The following RYR2 variants were observed in gnomAD, a reference collection of about 807,000 sequenced individuals.
RYR2 encodes ryanodine receptor 2.
Under a neutral mutation model 601.1 loss-of-function variants are expected in RYR2, and 227 were observed. That is an observed-to-expected ratio of 0.38 (90% confidence interval 0.34 to 0.42). The LOEUF (loss-of-function observed/expected upper bound fraction) is 0.42, where lower values mean the gene tolerates loss of function less well. RYR2 is among the 10% of genes least tolerant of loss of function. The pLI is 1.00. For missense variants in RYR2, 4,646 were observed against 6,156.5 expected, an observed-to-expected ratio of 0.75 and a Z score of 8.21; for synonymous variants, 2,223 against 2,175.1, an observed-to-expected ratio of 1.02 and a Z score of -0.61.
Position 237,589,930 on chromosome 1 carries a change from G to A in RYR2, c.3736G>A (p.Asp1246Asn). ...YEPFAVNTNR[D>N]ITMWLSKRLP... Reference sequence around the variant, plus strand: ...ACCATTTGCCGTTAATACAAACAGGGATATTACCATGTGGCTGAGCAAGAG... The same window carrying A: ...ACCATTTGCCGTTAATACAAACAGGAATATTACCATGTGGCTGAGCAAGAG... The change falls in exon 30 of 105, where the codon GAT becomes AAT. Residue 1246 changes from aspartate (D) to asparagine (N), a missense_variant. Physicochemically the swap from Asp to Asn is conservative, Grantham distance 23 (BLOSUM62 1). Around this residue, in one of 17 missense-constraint regions of RYR2, gnomAD observed 1,807 missense variants for 2,088.1 expected, o/e 0.87. Coordinates refer to ENST00000366574, the MANE Select transcript of RYR2 (RefSeq NM_001035.3). The A allele has an allele frequency of 6.2e-7, 1 of 1,613,904 alleles. No homozygotes were observed. Among genetic ancestry groups the A allele is most frequent in the Non-Finnish European group, 8.5e-7 (1 of 1,179,862 alleles).
intron 1 of RYR2, among the ~76,000 whole-genome samples, chr1:237,170,459 G>A (rs983475625): frequency 2.0e-5 from 3 of 152,194 alleles, no homozygotes; most frequent in African/African-American, 7.2e-5. Context: ...ACCCTCCTCC[G>A]TCTCTGCCAG....
chr1:237,433,040 G>C (rs1323660695), intron 12 of RYR2, among the ~76,000 whole-genome samples: 2 of 151,218 alleles, frequency 1.3e-5, no homozygotes, highest in South Asian at 4.2e-4. Flanking sequence ...TGTGTGGGGG[G>C]GGGTATCTTA....
intron 63 of RYR2, among the ~76,000 whole-genome samples, chr1:237,695,092 T>A (rs2149003024): frequency 6.6e-6 from 1 of 152,312 alleles, no homozygotes; most frequent in Middle Eastern, 3.4e-3. Flanking sequence ...ATATGATATG[T>A]CAAATTTAAC....
At chr1:237,135,519 G>A (rs1056197368) in intron 1 of RYR2, among the ~76,000 whole-genome samples, 14 of 145,064 alleles carry the variant, frequency 9.7e-5, no homozygotes, top group South Asian at 2.3e-4. Flanking sequence ...GCAGGCACCC[G>A]CCACCACACC....
At chr1:237,155,657 T>C (rs1558333108) in intron 1 of RYR2, among the ~76,000 whole-genome samples, 1 of 152,186 alleles carries the variant, frequency 6.6e-6, no homozygotes, top group African/African-American at 2.4e-5. Context: ...TTCTAAATGA[T>C]TTAGTAGTTT....
At chr1:237,478,167 G>A (rs1230545343) in intron 17 of RYR2, among the ~76,000 whole-genome samples, 1 of 152,196 alleles carries the variant, frequency 6.6e-6, no homozygotes, top group African/African-American at 2.4e-5. Flanking sequence ...AGAAATGGCA[G>A]CTCATTTTAA....
At chr1:237,495,542 G>T (rs551091781) in intron 19 of RYR2, among the ~76,000 whole-genome samples, 1 of 152,276 alleles carries the variant, frequency 6.6e-6, no homozygotes, top group African/African-American at 2.4e-5. Flanking sequence ...ATTGATTTAA[G>T]ATTTCCTTCA....
At chr1:237,692,571 C>T (rs996608914) in intron 63 of RYR2, among the ~76,000 whole-genome samples, 2 of 152,178 alleles carry the variant, frequency 1.3e-5, no homozygotes, top group Admixed American at 6.5e-5. Context: ...CTCTCCTCCT[C>T]CCTATGCTTC....
rs565260528 is a variant in RYR2, at chr1:237,195,759, A to C, written c.49-74738A>C. ...TTGTCCCCTTTTGACCTGTTTCCTC[A>C]TCAGTAAAAGGAGGTAATACTGCCC... On this transcript the variant is annotated intron_variant, in intron 1 of 104. Coordinates refer to ENST00000366574, the MANE Select transcript of RYR2 (RefSeq NM_001035.3). Among the ~76,000 whole-genome samples the C allele has an allele frequency of 7.2e-5, 11 of 152,268 alleles. No individual in the cohort carries two copies. In the South Asian group the frequency reaches 1.5e-3, roughly 20 times the overall value.
chr1:237,314,221 C>T (rs368210685), intron 2 of RYR2, among the ~76,000 whole-genome samples: 3 of 151,848 alleles, frequency 2.0e-5, no homozygotes, highest in Admixed American at 6.6e-5. Flanking sequence ...CCCGCAACCA[C>T]GCCCAGCTAA....
intron 78 of RYR2, among the ~76,000 whole-genome samples, chr1:237,733,286 T>A (rs1466012817): frequency 6.6e-6 from 1 of 152,216 alleles, no homozygotes; most frequent in African/African-American, 2.4e-5. Flanking sequence ...ATCATTATTA[T>A]GGCCATCTTG....
intron 100 of RYR2, among the ~76,000 whole-genome samples, chr1:237,810,272 T>G (rs1400772004): frequency 6.6e-6 from 1 of 151,964 alleles, no homozygotes; most frequent in Non-Finnish European, 1.5e-5. Flanking sequence ...CAAGTCCTTA[T>G]CACATCAATA....
chr1:237,126,617 G>T (rs909085554), intron 1 of RYR2, among the ~76,000 whole-genome samples: 1 of 152,224 alleles, frequency 6.6e-6, no homozygotes, highest in Non-Finnish European at 1.5e-5. Flanking sequence ...TCTGAAGGTT[G>T]TCTATGCCTA....
At chr1:237,446,430 G>T (rs533560597) in intron 14 of RYR2, among the ~76,000 whole-genome samples, 1 of 152,108 alleles carries the variant, frequency 6.6e-6, no homozygotes, top group East Asian at 1.9e-4. Flanking sequence ...GTTGTTCTGA[G>T]CTTTTGTTAT....
intron 62 of RYR2, among the ~76,000 whole-genome samples, chr1:237,682,791 A>G (rs1050323577): frequency 6.6e-6 from 1 of 152,226 alleles, no homozygotes; most frequent in Non-Finnish European, 1.5e-5. Context: ...GTATTTCCCA[A>G]AAAAAGGAGC....
chr1:237,169,710 C>CA (rs899219311), intron 1 of RYR2, among the ~76,000 whole-genome samples: 3 of 152,022 alleles, frequency 2.0e-5, no homozygotes, highest in African/African-American at 7.2e-5. Context: ...ATACTTTAAA[C>CA]AAAAAATGAT....
chr1:237,214,079 C>T (rs978100307), intron 1 of RYR2, among the ~76,000 whole-genome samples: 31 of 151,930 alleles, frequency 2.0e-4, no homozygotes, highest in African/African-American at 6.8e-4. Flanking sequence ...CACCATCACT[C>T]CTAGATAATT....
chr1:237,748,931 A>G (rs1280768396), intron 80 of RYR2, among the ~76,000 whole-genome samples: 1 of 152,192 alleles, frequency 6.6e-6, no homozygotes, highest in Non-Finnish European at 1.5e-5. Context: ...TACATTGTGT[A>G]TTAAGTATTT....
At chr1:237,785,093 C>T in intron 90 of RYR2, 121 bp downstream of exon 90, 1 of 754,576 alleles carries the variant, frequency 1.3e-6, no homozygotes, top group Non-Finnish European at 2.3e-6. Flanking sequence ...CTTGAATTTC[C>T]AAAGAGAAAT....
Sources: gnomAD v4.1 joint callset for allele counts (sites outside exome capture counted in the v4.1 genomes callset) on GRCh38, gnomAD v4.1.1 for gene constraint, gnomAD v4.1.1 regional missense constraint, MANE v1.5 for transcripts, NCBI Gene and HGNC (gene_info 2026-07-23, HGNC 2026-07-21) for gene names.